EPHA3: variants seen among roughly 807,000 people sequenced by gnomAD.
The protein encoded by EPHA3 is EPH receptor A3, also known as ephrin type-A receptor 3.
Under a neutral mutation model 107.1 loss-of-function variants are expected in EPHA3, and 42 were observed. The ratio of observed to expected loss-of-function variants is 0.39; its 90% CI spans 0.31 to 0.51. The LOEUF is 0.51. EPHA3 is among the 20% of genes least tolerant of loss of function. The pLI, the probability that EPHA3 is intolerant of heterozygous loss-of-function variation, is 0.78. For missense variants in EPHA3, 1,183 were observed against 1,211.2 expected (o/e 0.98, Z 0.35); for synonymous variants, 461 against 424.8 (o/e 1.09, Z -1.05).
chr3:89,112,483 A>G lies in EPHA3; in HGVS notation c.88+4647A>G, dbSNP rs147651939. ...ACCATTTTTAATACTTTTCCACAAT[A>G]AATTTCTTTCTAATGTTAAAATCCT... On this transcript the variant is annotated intron_variant, in intron 1 of 16. Coordinates refer to ENST00000336596, the MANE Select transcript of EPHA3 (RefSeq NM_005233.6). 3.1e-3 allele frequency among the ~76,000 whole-genome samples: 474 copies of G among 152,180 alleles called. 3 individuals carry two copies. Among genetic ancestry groups the G allele is most frequent in the Middle Eastern group, 6.8e-3 (2 of 294 alleles).
intron 1 of EPHA3, among the ~76,000 whole-genome samples, chr3:89,111,658 C>T (rs1385948001): frequency 1.3e-5 from 2 of 152,072 alleles, no homozygotes; most frequent in Non-Finnish European, 2.9e-5. Flanking sequence ...CTTTTACTGA[C>T]AATCTGAATT....
intron 3 of EPHA3, among the ~76,000 whole-genome samples, chr3:89,244,862 T>C (rs1233715020): frequency 1.3e-5 from 2 of 152,166 alleles, no homozygotes; most frequent in Admixed American, 1.3e-4. Context: ...GTTTCGGAAA[T>C]GAAGTGACAC....
At chr3:89,386,599 A>G (rs567243691) in intron 5 of EPHA3, among the ~76,000 whole-genome samples, 21 of 152,328 alleles carry the variant, frequency 1.4e-4, no homozygotes, top group Admixed American at 1.1e-3. Flanking sequence ...AGGGCAGTGC[A>G]GTAGGGAAAT....
intron 3 of EPHA3, among the ~76,000 whole-genome samples, chr3:89,339,476 C>T (rs1206279620): frequency 2.0e-5 from 3 of 151,348 alleles, no homozygotes; most frequent in Non-Finnish European, 4.4e-5. Flanking sequence ...TTGTTCAATA[C>T]ATTGGAAATT....
At chr3:89,429,233 A>G in intron 12 of EPHA3, 66 bp downstream of exon 12, 2 of 1,244,454 alleles carry the variant, frequency 1.6e-6, no homozygotes, top group Non-Finnish European at 1.1e-6. Context: ...GACACCCTCC[A>G]ATATTGTGCC....
intron 3 of EPHA3, among the ~76,000 whole-genome samples, chr3:89,298,972 G>A (rs561837684): frequency 2.8e-4 from 42 of 152,078 alleles, no homozygotes; most frequent in African/African-American, 1.0e-3. Context: ...TTTTCATAAA[G>A]TCCTTTTATG....
At chr3:89,275,152 C>T (rs1304359988) in intron 3 of EPHA3, among the ~76,000 whole-genome samples, 2 of 151,976 alleles carry the variant, frequency 1.3e-5, no homozygotes, top group Non-Finnish European at 2.9e-5. Flanking sequence ...TCCGCTACAT[C>T]AGGTTTTATA....
rs1706247012 is a variant in EPHA3 at position 89,210,409 on chromosome 3, A to G, written c.703A>G (p.Lys235Glu). Reference sequence around the variant, plus strand: ...TAGAGGGTCTTGTGTCAACAATTCTAAGGAGGAAGATCCTCCAAGGATGTA... The same window carrying G: ...TAGAGGGTCTTGTGTCAACAATTCTGAGGAGGAAGATCCTCCAAGGATGTA... ...EVRGSCVNNS[K>E]EEDPPRMYCS... is the part of the protein sequence containing the mutation. Residue 235 changes from lysine (K) to glutamate (E), a missense_variant, in exon 3 of 17, where the codon AAG (lysine) becomes GAG (glutamate). Physicochemically the swap from Lys to Glu is moderately conservative, Grantham distance 56 (BLOSUM62 1). Coordinates refer to ENST00000336596, the MANE Select transcript of EPHA3 (RefSeq NM_005233.6). 6.2e-6 allele frequency: 10 copies of G among 1,613,702 alleles called. No homozygotes were observed. Among genetic ancestry groups the G allele is most frequent in the Non-Finnish European group, 8.5e-6 (10 of 1,179,852 alleles).
Position 89,413,209 on chromosome 3 carries a change from G to A in EPHA3, c.1831G>A (p.Glu611Lys). The change falls in exon 10 of 17, where the codon GAG becomes AAG. Residue 611 changes from glutamate to lysine, a missense_variant. Glu to Lys is a moderately conservative substitution (Grantham distance 56). Transcript: ENST00000336596. ...TGAAGACCCTACCCAAGCTGTTCAT[G>A]AGTTTGCCAAGGAATTGGATGCCAC... ...TYEDPTQAVHEFAKELDATNI... is the reference protein window; with the variant it reads ...TYEDPTQAVHKFAKELDATNI... 1.9e-6 allele frequency: 3 copies of A among 1,611,936 alleles called. No individual in the cohort carries two copies. The highest frequency in any genetic ancestry group is 1.1e-5 in the South Asian group (1 of 91,042).
chr3:89,219,362 C>T (rs1576240465), intron 3 of EPHA3, among the ~76,000 whole-genome samples: 2 of 151,992 alleles, frequency 1.3e-5, no homozygotes, highest in South Asian at 4.1e-4. Context: ...GGGGTTTCTC[C>T]ATGTTGGTCA....
At chr3:89,178,250 A>C (rs1402792578) in intron 2 of EPHA3, among the ~76,000 whole-genome samples, 1 of 35,406 alleles carries the variant, frequency 2.8e-5, no homozygotes, top group African/African-American at 6.1e-5. Context: ...TGTAGCCAAT[A>C]GATAGATAGA....
At chr3:89,257,685 C>A (rs1705317334) in intron 3 of EPHA3, among the ~76,000 whole-genome samples, 1 of 150,264 alleles carries the variant, frequency 6.7e-6, no homozygotes, top group Non-Finnish European at 1.5e-5. Flanking sequence ...AAAATAACAA[C>A]TGGAATGACA....
At chr3:89,281,209 A>G (rs898520049) in intron 3 of EPHA3, among the ~76,000 whole-genome samples, 2 of 152,038 alleles carry the variant, frequency 1.3e-5, no homozygotes, top group Non-Finnish European at 1.5e-5. Context: ...GTGTTTTAGT[A>G]GAGACGGGTT....
At chr3:89,411,589 T>C (rs1475323160) in intron 9 of EPHA3, among the ~76,000 whole-genome samples, 6 of 151,920 alleles carry the variant, frequency 3.9e-5, no homozygotes. Flanking sequence ...TTCTCACACT[T>C]ACGTTTTTTT....
chr3:89,179,075 A>C (rs1356245968), intron 2 of EPHA3, among the ~76,000 whole-genome samples: 1 of 151,992 alleles, frequency 6.6e-6, no homozygotes, highest in African/African-American at 2.4e-5. Context: ...TTACTTGAAT[A>C]AAATAATTTC....
chr3:89,209,058 C>T (rs1292607662), intron 2 of EPHA3, among the ~76,000 whole-genome samples: 1 of 152,138 alleles, frequency 6.6e-6, no homozygotes, highest in Non-Finnish European at 1.5e-5. Flanking sequence ...GAAAATAGTG[C>T]TTCACTGTTC....
chr3:89,241,266 G>A (rs1404842591), intron 3 of EPHA3, among the ~76,000 whole-genome samples: 1 of 152,056 alleles, frequency 6.6e-6, no homozygotes, highest in African/African-American at 2.4e-5. Context: ...CACGTGTCTG[G>A]TGGGAATTTT....
intron 3 of EPHA3, among the ~76,000 whole-genome samples, chr3:89,256,624 G>A (rs997132565): frequency 9.2e-5 from 14 of 151,734 alleles, no homozygotes; most frequent in Admixed American, 6.6e-5. Flanking sequence ...AAATTCTATG[G>A]TCTAGTCCTC....
At chr3:89,197,250 A>G (rs777237117) in intron 2 of EPHA3, among the ~76,000 whole-genome samples, 5 of 152,200 alleles carry the variant, frequency 3.3e-5, no homozygotes, top group Non-Finnish European at 2.9e-5. Flanking sequence ...GGCTTCATAA[A>G]CATTTGTTTT....
Sources: allele counts gnomAD v4.1 joint callset (sites outside exome capture counted in the v4.1 genomes callset), GRCh38; gene constraint gnomAD v4.1.1; transcripts MANE v1.5; gene names NCBI Gene and HGNC (gene_info 2026-07-23, HGNC 2026-07-21).